The following ZNF618 variants were observed in gnomAD, a reference collection of about 807,000 sequenced individuals.
ZNF618 encodes zinc finger protein 618.
Under a neutral mutation model 103.0 loss-of-function variants are expected in ZNF618, and 34 were observed. The observed-to-expected ratio is 0.33, with a 90% CI of 0.25 to 0.44. The LOEUF (loss-of-function observed/expected upper bound fraction) is 0.44, where lower values mean the gene tolerates loss of function less well. Ranked by LOEUF, ZNF618 falls within the 20% of genes least tolerant of loss-of-function variation. ZNF618 has a pLI of 1.00. For synonymous variants in ZNF618, 551 were observed against 542.2 expected, an observed-to-expected ratio of 1.02 and a Z score of -0.23; for missense variants, 1,059 against 1,295.4, an observed-to-expected ratio of 0.82 and a Z score of 2.80.
intron 1 of ZNF618, among the ~76,000 whole-genome samples, chr9:113,955,247 G>A (rs574570211): frequency 6.6e-6 from 1 of 150,518 alleles, no homozygotes; most frequent in African/African-American, 2.5e-5. Flanking sequence ...TCACCCCGTG[G>A]AAGTCACTGT....
intron 10 of ZNF618, among the ~76,000 whole-genome samples, chr9:114,021,692 A>ACC (rs1408566494): frequency 1.3e-5 from 2 of 151,878 alleles, no homozygotes; most frequent in Non-Finnish European, 2.9e-5. Context: ...CATACCCATC[A>ACC]CCCCCAACAG....
At chr9:113,944,042 C>G (rs1834780994) in intron 1 of ZNF618, among the ~76,000 whole-genome samples, 1 of 152,194 alleles carries the variant, frequency 6.6e-6, no homozygotes, top group Non-Finnish European at 1.5e-5. Flanking sequence ...TGGATTGCCT[C>G]TTACAACTAT....
intron 13 of ZNF618, among the ~76,000 whole-genome samples, chr9:114,039,801 C>T (rs1483231064): frequency 1.3e-5 from 2 of 152,200 alleles, no homozygotes; most frequent in Admixed American, 6.5e-5. Flanking sequence ...ATGGCACATT[C>T]TAAGACCCAA....
intron 1 of ZNF618, among the ~76,000 whole-genome samples, chr9:113,896,627 A>G (rs1338228159): frequency 1.3e-5 from 2 of 151,942 alleles, no homozygotes; most frequent in Non-Finnish European, 2.9e-5. Context: ...CATTGACTTT[A>G]TTAATTGTAT....
At chr9:113,987,056 A>G (rs1464696963) in intron 2 of ZNF618, among the ~76,000 whole-genome samples, 2 of 152,122 alleles carry the variant, frequency 1.3e-5, no homozygotes, top group Admixed American at 1.3e-4. Context: ...CTGGGCCTTG[A>G]AATTCACAGA....
At position 114,054,578 on chromosome 9, in the gene ZNF618, C is replaced by T. The variant is rs1489208715; in HGVS notation, c.*4411C>T. 8 of 152,962 alleles carry T rather than the reference C, an allele frequency of 5.2e-5. No individual in the cohort carries two copies. In the East Asian group the frequency reaches 1.5e-3, roughly 30 times the overall value. The allele number at this position is 152,962 out of a possible 1,614,324, so 9.5% of individuals were successfully genotyped here. On this transcript the variant is annotated 3_prime_UTR_variant, in exon 15 of 15. Coordinates refer to ENST00000374126, the MANE Select transcript of ZNF618 (RefSeq NM_001318042.2). ...AGTAGTAGGTGGGAGCTCCTGTCCC[C>T]GCCAGCCCTGCTCCAGCCCCCGTGT...
intron 1 of ZNF618, among the ~76,000 whole-genome samples, chr9:113,943,060 A>T (rs535527524): frequency 2.4e-4 from 36 of 152,138 alleles, no homozygotes; most frequent in Non-Finnish European, 2.6e-4. Flanking sequence ...AAGAGAAGAA[A>T]CTCCACTGGG....
In ZNF618 at chr9:114,056,329, T is replaced by A. The variant is rs1031541629; in HGVS notation, c.*6162T>A. 2.0e-5 allele frequency: 3 copies of A among 152,216 alleles called. No individual in the cohort carries two copies. The highest frequency in any genetic ancestry group is 6.5e-5 in the Admixed American group (1 of 15,286). The allele number at this position is 152,216 out of a possible 1,614,324, so 9.4% of individuals were successfully genotyped here. On this transcript the variant is annotated 3_prime_UTR_variant, in exon 15 of 15. Coordinates refer to ENST00000374126, the MANE Select transcript of ZNF618 (RefSeq NM_001318042.2). ...AAATTTAAAACTGAGCTGTTTAATG[T>A]TGCTGTTTTTACCTGTCTGTTCTTG...
At chr9:113,941,680 T>A (rs1357496345) in intron 1 of ZNF618, among the ~76,000 whole-genome samples, 1 of 152,202 alleles carries the variant, frequency 6.6e-6, no homozygotes, top group African/African-American at 2.4e-5. Context: ...TGAGTCTTAC[T>A]TCTCTAGGGG....
At chr9:113,996,311 C>T (rs913870763) in intron 3 of ZNF618, among the ~76,000 whole-genome samples, 1 of 152,206 alleles carries the variant, frequency 6.6e-6, no homozygotes, top group Non-Finnish European at 1.5e-5. Context: ...TGGGACTGTC[C>T]ATTGTAAGGA....
intron 12 of ZNF618, among the ~76,000 whole-genome samples, chr9:114,033,946 A>C (rs371801819): frequency 1.3e-5 from 2 of 152,150 alleles, no homozygotes; most frequent in Admixed American, 1.3e-4. Flanking sequence ...GCATCTGCCT[A>C]GTAACAGGAG....
intron 2 of ZNF618, 68 bp from the exon 3 acceptor site, chr9:113,988,253 C>CA: frequency 6.5e-7 from 1 of 1,535,364 alleles, no homozygotes; most frequent in Non-Finnish European, 8.7e-7. Flanking sequence ...CCTGTGGTGC[C>CA]ATGGGCTGGT....
intron 1 of ZNF618, among the ~76,000 whole-genome samples, chr9:113,961,610 T>C (rs1836848881): frequency 6.6e-6 from 1 of 152,232 alleles, no homozygotes. Context: ...TGAGTTACCG[T>C]GTTCAGTTGG....
intron 2 of ZNF618, among the ~76,000 whole-genome samples, chr9:113,973,749 G>A (rs1360009528): frequency 6.6e-6 from 1 of 152,192 alleles, no homozygotes; most frequent in African/African-American, 2.4e-5. Context: ...CAGACTTGGT[G>A]TAATAAATAA....
At chr9:114,032,813 G>C in intron 12 of ZNF618, 85 bp downstream of exon 12, 1 of 1,239,178 alleles carries the variant, frequency 8.1e-7, no homozygotes, top group Non-Finnish European at 1.2e-6. Context: ...GCATCCTGTG[G>C]GCTGGGGTCT....
chr9:114,030,677 A>G (rs1424227303), intron 11 of ZNF618: 1 of 152,276 alleles, frequency 6.6e-6, no homozygotes, highest in Admixed American at 6.5e-5. Flanking sequence ...ATGGGAGATA[A>G]GATAGTATGT....
rs2133809946 is a variant in ZNF618, at chr9:114,008,463, G to A, written c.677-14G>A. On this transcript the variant is annotated splice_polypyrimidine_tract_variant and intron_variant, in intron 8 of 14. Transcript: ENST00000374126. The stretch of plus-strand genomic sequence containing the variant: ...GGGGGACCAGGGTGCTAAGGGCCGT[G>A]TGTTCTCCCACAGACCCCTTCGACC... The A allele has an allele frequency of 6.2e-7, 1 of 1,613,980 alleles. No individual in the cohort carries two copies. Among genetic ancestry groups the A allele is most frequent in the Non-Finnish European group, 8.5e-7 (1 of 1,179,870 alleles).
At chr9:114,028,538 C>T (rs1379400232) in intron 10 of ZNF618, 195 bp from the exon 11 acceptor site, 7 of 824,726 alleles carry the variant, frequency 8.5e-6, no homozygotes, top group East Asian at 8.1e-5. Flanking sequence ...GATAACTAAG[C>T]GTGAGCTGAC....
At chr9:113,910,277 G>A (rs1483825559) in intron 1 of ZNF618, among the ~76,000 whole-genome samples, 1 of 152,124 alleles carries the variant, frequency 6.6e-6, no homozygotes, top group African/African-American at 2.4e-5. Flanking sequence ...CTCCATTTCT[G>A]GCCTCTAAGT....
Sources: allele counts gnomAD v4.1 joint callset (sites outside exome capture counted in the v4.1 genomes callset), GRCh38; gene constraint gnomAD v4.1.1; transcripts MANE v1.5; gene names NCBI Gene and HGNC (gene_info 2026-07-23, HGNC 2026-07-21).